KDM7A: variants seen among roughly 807,000 people sequenced by gnomAD.
The protein encoded by KDM7A is lysine demethylase 7A, also known as lysine-specific demethylase 7A.
Under a neutral mutation model 114.8 loss-of-function variants are expected in KDM7A, and 28 were observed. That is an observed-to-expected ratio of 0.24 (90% CI 0.18 to 0.33). KDM7A has a LOEUF of 0.33. Ranked by LOEUF, KDM7A falls within the 10% of genes least tolerant of loss-of-function variation. The pLI, the probability that KDM7A is intolerant of heterozygous loss-of-function variation, is 1.00. For missense variants in KDM7A, 942 were observed against 1,142.5 expected (o/e 0.82, Z 2.53); for synonymous variants, 423 against 397.8 (o/e 1.06, Z -0.75).
chr7:140,118,366 A>G (rs1818565344), intron 9 of KDM7A, among the ~76,000 whole-genome samples: 1 of 152,172 alleles, frequency 6.6e-6, no homozygotes, highest in Admixed American at 6.5e-5. Flanking sequence ...GGGTTCAACT[A>G]TAAAGACAAG....
chr7:140,136,249 A>G (rs1194592006), intron 2 of KDM7A, among the ~76,000 whole-genome samples: 6 of 152,232 alleles, frequency 3.9e-5, no homozygotes, highest in Admixed American at 3.3e-4. Flanking sequence ...TAAATGTCAA[A>G]GAAGATAACA....
chr7:140,131,270 T>C (rs1818782253), intron 3 of KDM7A, among the ~76,000 whole-genome samples: 1 of 152,172 alleles, frequency 6.6e-6, no homozygotes, highest in East Asian at 1.9e-4. Flanking sequence ...TTAACATAAG[T>C]GGAGTTTGTC....
chr7:140,126,606 A>C (rs1818708788), intron 6 of KDM7A, 31 bp downstream of exon 6: 1 of 1,452,534 alleles, frequency 6.9e-7, no homozygotes, highest in Admixed American at 2.1e-5. Context: ...TGTTTTTGTC[A>C]GTGAGAGAAC....
At chr7:140,107,713 T>C (rs543583375) in intron 11 of KDM7A, among the ~76,000 whole-genome samples, 1 of 152,352 alleles carries the variant, frequency 6.6e-6, no homozygotes, top group Admixed American at 6.5e-5. Flanking sequence ...CATTTTTTCC[T>C]TCATTTCAAC....
intron 1 of KDM7A, among the ~76,000 whole-genome samples, chr7:140,173,691 T>C (rs1794670991): frequency 6.6e-6 from 1 of 152,170 alleles, no homozygotes; most frequent in Non-Finnish European, 1.5e-5. Flanking sequence ...ATGGTAAAGA[T>C]ACATCTTAGT....
At chr7:140,137,464 T>G (rs1477275388) in intron 2 of KDM7A, among the ~76,000 whole-genome samples, 1 of 152,216 alleles carries the variant, frequency 6.6e-6, no homozygotes, top group Non-Finnish European at 1.5e-5. Flanking sequence ...GCTATAAATT[T>G]TAGTTAAGTC....
intron 7 of KDM7A, among the ~76,000 whole-genome samples, chr7:140,122,539 C>T (rs1384418592): frequency 6.6e-6 from 1 of 152,184 alleles, no homozygotes; most frequent in Non-Finnish European, 1.5e-5. Flanking sequence ...ATTCAACATA[C>T]ATTTGTTATT....
intron 1 of KDM7A, among the ~76,000 whole-genome samples, chr7:140,146,036 A>G (rs1407923355): frequency 6.6e-6 from 1 of 152,128 alleles, no homozygotes; most frequent in Non-Finnish European, 1.5e-5. Context: ...ACCCCATATA[A>G]TCTGTTTTAT....
chr7:140,097,223 C>T (rs896842192), intron 15 of KDM7A, among the ~76,000 whole-genome samples, 176 bp from the exon 16 acceptor site: 6 of 151,976 alleles, frequency 3.9e-5, no homozygotes, highest in Non-Finnish European at 8.8e-5. Flanking sequence ...GAACATACTA[C>T]CTTGATTAAA....
chr7:140,166,557 C>G (rs1794578865), intron 1 of KDM7A, among the ~76,000 whole-genome samples: 1 of 152,044 alleles, frequency 6.6e-6, no homozygotes, highest in South Asian at 2.1e-4. Flanking sequence ...AGGCTAGTCT[C>G]AAACTCCTGG....
intron 13 of KDM7A, among the ~76,000 whole-genome samples, chr7:140,099,357 C>T (rs1197769210): frequency 2.6e-5 from 4 of 152,084 alleles, no homozygotes; most frequent in African/African-American, 9.7e-5. Context: ...CCACACCCAG[C>T]TAATTTATTT....
intron 18 of KDM7A, among the ~76,000 whole-genome samples, chr7:140,093,355 C>A (rs928685251): frequency 6.6e-6 from 1 of 152,170 alleles, no homozygotes; most frequent in African/African-American, 2.4e-5. Context: ...CCTCTTCCCT[C>A]CTTCCCTTCT....
At chr7:140,153,514 A>T (rs1794424780) in intron 1 of KDM7A, among the ~76,000 whole-genome samples, 4 of 152,018 alleles carry the variant, frequency 2.6e-5, no homozygotes, top group Admixed American at 2.6e-4. Flanking sequence ...AAGTAATCAC[A>T]CAAGCTGAAA....
chr7:140,174,097 G>A (rs1322726781), intron 1 of KDM7A, among the ~76,000 whole-genome samples: 2 of 151,704 alleles, frequency 1.3e-5, no homozygotes, highest in Admixed American at 1.3e-4. Context: ...CCGGGAGGCG[G>A]AGTTTGCAGT....
chr7:140,095,492 T>G, intron 17 of KDM7A: 1 of 158,584 alleles, frequency 6.3e-6, no homozygotes, highest in Non-Finnish European at 1.4e-5. Context: ...AATAGTTACA[T>G]GAAGTACAGA....
At chr7:140,101,183 A>C (rs1021566983) in intron 12 of KDM7A, among the ~76,000 whole-genome samples, 2 of 152,106 alleles carry the variant, frequency 1.3e-5, no homozygotes, top group Non-Finnish European at 2.9e-5. Context: ...GGGATGTAAA[A>C]GTATGGATGA....
chr7:140,146,677 A>G (rs565400815), intron 1 of KDM7A, among the ~76,000 whole-genome samples: 1 of 152,328 alleles, frequency 6.6e-6, no homozygotes, highest in South Asian at 2.1e-4. Flanking sequence ...CTACAGGGTG[A>G]CAATCTGACC....
chr7:140,142,353 A>C (rs1794293060), intron 1 of KDM7A, among the ~76,000 whole-genome samples: 1 of 151,656 alleles, frequency 6.6e-6, no homozygotes, highest in African/African-American at 2.4e-5. Context: ...GAGTAGCAGA[A>C]GACATTACAA....
At chr7:140,100,637 A>G (rs1818184501) in intron 12 of KDM7A, among the ~76,000 whole-genome samples, 2 of 137,158 alleles carry the variant, frequency 1.5e-5, no homozygotes, top group Admixed American at 7.4e-5. Flanking sequence ...ATAATTACAT[A>G]CAATTTAAAA....
Sources: gnomAD v4.1 joint callset for allele counts (sites outside exome capture counted in the v4.1 genomes callset) on GRCh38, gnomAD v4.1.1 for gene constraint, MANE v1.5 for transcripts, NCBI Gene and HGNC (gene_info 2026-07-23, HGNC 2026-07-21) for gene names.